ATP9B: variants seen among roughly 807,000 people sequenced by gnomAD.
ATP9B encodes the protein probable phospholipid-transporting ATPase IIB.
Under a neutral mutation model 146.1 loss-of-function variants are expected in ATP9B, and 110 were observed. The observed-to-expected ratio is 0.75, with a 90% CI of 0.65 to 0.88. The LOEUF (loss-of-function observed/expected upper bound fraction) is 0.88, where lower values mean the gene tolerates loss of function less well. Ranked by LOEUF, ATP9B falls within the 40% of genes least tolerant of loss-of-function variation. ATP9B has a pLI of 0.00. For synonymous variants in ATP9B, 604 were observed against 569.7 expected (o/e 1.06, Z -0.86); for missense variants, 1,499 against 1,496.4 (o/e 1.00, Z -0.03).
At chr18:79,085,311 G>A (rs1323603738) in intron 1 of ATP9B, 3 of 152,200 alleles carry the variant, frequency 2.0e-5, no homozygotes, top group South Asian at 4.1e-4. Flanking sequence ...CTGACATTGG[G>A]GATCACATTT....
At chr18:79,284,194 C>A (rs1363820265) in intron 13 of ATP9B, among the ~76,000 whole-genome samples, 1 of 152,178 alleles carries the variant, frequency 6.6e-6, no homozygotes, top group African/African-American at 2.4e-5. Context: ...GCAAGCAAAT[C>A]TCACAGGTAA....
chr18:79,376,388 CATT>C (rs2097103604), intron 29 of ATP9B: 88 of 888,106 alleles, frequency 9.9e-5, no homozygotes, highest in South Asian at 3.7e-4. Flanking sequence ...CATCTGCAAC[CATT>C]TTTTTTTTTT....
At chr18:79,193,825 A>G (rs538882257) in intron 9 of ATP9B, among the ~76,000 whole-genome samples, 1 of 152,234 alleles carries the variant, frequency 6.6e-6, no homozygotes, top group Admixed American at 6.5e-5. Context: ...ATTTTAGTAC[A>G]TGACTATAGG....
At chr18:79,161,008 G>A (rs1472967601) in intron 7 of ATP9B, among the ~76,000 whole-genome samples, 3 of 152,070 alleles carry the variant, frequency 2.0e-5, no homozygotes, top group Non-Finnish European at 2.9e-5. Flanking sequence ...GACCTCAAGC[G>A]ATCCACCTGC....
At chr18:79,361,126 G>A (rs1292401567) in intron 26 of ATP9B, 1 of 152,226 alleles carries the variant, frequency 6.6e-6, no homozygotes, top group Non-Finnish European at 1.5e-5. Flanking sequence ...CAGGGGTCTT[G>A]TAGCCCCAGC....
chr18:79,100,610 G>A (rs1320995759), intron 2 of ATP9B, among the ~76,000 whole-genome samples: 1 of 151,958 alleles, frequency 6.6e-6, no homozygotes, highest in Non-Finnish European at 1.5e-5. Context: ...TAAAAATTTT[G>A]AATTTGGAAA....
At chr18:79,138,743 A>G (rs1179184286) in intron 5 of ATP9B, among the ~76,000 whole-genome samples, 1 of 151,958 alleles carries the variant, frequency 6.6e-6, no homozygotes, top group Non-Finnish European at 1.5e-5. Flanking sequence ...GAAGTATTAG[A>G]ACCTTCTGTT....
intron 14 of ATP9B, among the ~76,000 whole-genome samples, chr18:79,304,257 A>G (rs1261266201): frequency 6.6e-6 from 1 of 151,952 alleles, no homozygotes; most frequent in African/African-American, 2.4e-5. Context: ...ACATTCTTTC[A>G]TCTGTAAATA....
intron 19 of ATP9B, among the ~76,000 whole-genome samples, chr18:79,341,702 A>G: frequency 6.9e-6 from 1 of 145,332 alleles, no homozygotes; most frequent in Non-Finnish European, 1.5e-5. Flanking sequence ...GACCTTGTTG[A>G]AGCCTGCGTT....
At chr18:79,332,486 G>C (rs1041187639) in intron 17 of ATP9B, among the ~76,000 whole-genome samples, 2 of 152,224 alleles carry the variant, frequency 1.3e-5, no homozygotes, top group Non-Finnish European at 2.9e-5. Context: ...TCATCAGTAA[G>C]TGGGAGTGGG....
At chr18:79,319,867 T>C (rs911552405) in intron 15 of ATP9B, among the ~76,000 whole-genome samples, 1 of 152,196 alleles carries the variant, frequency 6.6e-6, no homozygotes, top group Non-Finnish European at 1.5e-5. Context: ...TACTCTTTGA[T>C]TTAATTAATT....
intron 15 of ATP9B, among the ~76,000 whole-genome samples, chr18:79,328,054 C>CTCCGTGGTTAGCGTGCTCTCCG (rs2096769467): frequency 2.5e-5 from 1 of 40,204 alleles, no homozygotes; most frequent in East Asian, 6.6e-4. Flanking sequence ...CGTGCTCTCT[C>CTCCGTGGTTAGCGTGCTCTCCG]TGGTTAGCGT....
Position 79,329,301 on chromosome 18 carries a change from G to C in ATP9B, c.1934G>C (p.Arg645Thr). 8.8e-6 allele frequency: 14 copies of C among 1,596,078 alleles called. No individual in the cohort carries two copies. Among genetic ancestry groups the C allele is most frequent in the Non-Finnish European group, 1.1e-5 (13 of 1,170,292 alleles). Reference sequence around the variant, plus strand: ...AGCAAGCGGATGGGCGTCATCGTCAGGGTGAGGCTGCGGGGAGGGTGCCAC... The same window carrying C: ...AGCAAGCGGATGGGCGTCATCGTCACGGTGAGGCTGCGGGGAGGGTGCCAC... ...SESKRMGVIV[R>T]DESTAEITFY... The change falls in exon 16 of 30, where the codon AGG becomes ACG. Residue 645 changes from arginine (R) to threonine (T), a missense_variant and splice_region_variant. Transcript: ENST00000426216.
At position 79,305,455 on chromosome 18, in the gene ATP9B, TTTTGG is replaced by T. The variant is rs2096615479; in HGVS notation, c.1525-1530_1525-1526del. On this transcript the variant is annotated intron_variant, in intron 14 of 29. Transcript: ENST00000426216. Reference sequence around the variant, plus strand: ...ACGTACACAGCCAAACACTTTATTATTTTGGATGTAATTCATTTAGATACGGAATA... The same window carrying T: ...ACGTACACAGCCAAACACTTTATTATATGTAATTCATTTAGATACGGAATA... 3.9e-5 allele frequency among the ~76,000 whole-genome samples: 6 copies of T among 152,182 alleles called. No individual in the cohort carries two copies. In the South Asian group the frequency reaches 1.2e-3, roughly 31 times the overall value.
intron 25 of ATP9B, among the ~76,000 whole-genome samples, chr18:79,351,017 T>G (rs1315383049): frequency 6.6e-6 from 1 of 152,210 alleles, no homozygotes; most frequent in East Asian, 1.9e-4. Context: ...ATGATCCACC[T>G]GCCTCAGCCT....
intron 9 of ATP9B, among the ~76,000 whole-genome samples, chr18:79,200,649 A>G (rs1010448875): frequency 4.1e-4 from 1 of 2,436 alleles, no homozygotes; most frequent in Non-Finnish European, 6.7e-4. Flanking sequence ...GAAATTGCCA[A>G]ATATCAGATA....
At chr18:79,331,644 A>T (rs2096790604) in intron 17 of ATP9B, among the ~76,000 whole-genome samples, 1 of 152,094 alleles carries the variant, frequency 6.6e-6, no homozygotes, top group African/African-American at 2.4e-5. Flanking sequence ...TTCGAGCTGG[A>T]GTTAAAAGTG....
intron 12 of ATP9B, among the ~76,000 whole-genome samples, chr18:79,260,822 GTTC>G (rs1479343426): frequency 1.3e-5 from 2 of 152,238 alleles, no homozygotes; most frequent in South Asian, 2.1e-4. Context: ...CTGAGACACA[GTTC>G]TTCTATTATT....
chr18:79,196,291 C>G (rs2095417044), intron 9 of ATP9B, among the ~76,000 whole-genome samples: 1 of 152,172 alleles, frequency 6.6e-6, no homozygotes, highest in Non-Finnish European at 1.5e-5. Context: ...TGTGAATAAT[C>G]TTACAGAGGA....
Sources: gnomAD v4.1 joint callset for allele counts (sites outside exome capture counted in the v4.1 genomes callset) on GRCh38, gnomAD v4.1.1 for gene constraint, MANE v1.5 for transcripts, NCBI Gene and HGNC (gene_info 2026-07-23, HGNC 2026-07-21) for gene names.